The following WDPCP variants were observed in gnomAD, a reference collection of about 807,000 sequenced individuals.
The protein encoded by WDPCP is WD repeat containing planar cell polarity effector.
WDPCP carries 71 observed loss-of-function variants against 93.1 expected under a neutral mutation model. That is an observed-to-expected ratio of 0.76 (90% CI 0.63 to 0.93). WDPCP has a LOEUF of 0.93. Among genes scored for constraint, WDPCP ranks in the 40% least tolerant of loss-of-function variants. The probability of loss-of-function intolerance (pLI) is 0.00; values close to 1 mark genes in which losing one functional copy is unlikely to be tolerated. For missense variants in WDPCP, 844 were observed against 887.4 expected, an observed-to-expected ratio of 0.95 and a Z score of 0.62; for synonymous variants, 315 against 315.0, an observed-to-expected ratio of 1.00 and a Z score of 0.00.
At position 63,152,953 on chromosome 2, in the gene WDPCP, A is replaced by G; in HGVS notation, c.2159-8T>C. 1.2e-6 allele frequency: 2 copies of G among 1,612,086 alleles called. No homozygotes were observed. The highest frequency in any genetic ancestry group is 1.7e-6 in the Non-Finnish European group (2 of 1,178,638). ...CTTCTCTCAGTTCTCCGTCTAAAGT[A>G]AAAGATTAAAACATTAATTATCTTA... is the stretch of plus-strand genomic sequence containing the variant. On this transcript the variant is annotated splice_region_variant and splice_polypyrimidine_tract_variant and intron_variant, in intron 16 of 17. Transcript: ENST00000272321.
intron 3 of WDPCP, chr2:63,604,639 C>G: frequency 7.2e-7 from 1 of 1,390,942 alleles, no homozygotes; most frequent in Non-Finnish European, 9.9e-7. Flanking sequence ...AAAACAGGTC[C>G]CAATTGGAAA....
intron 6 of WDPCP, among the ~76,000 whole-genome samples, chr2:63,464,858 GA>G (rs1339112812): frequency 6.6e-6 from 1 of 151,982 alleles, no homozygotes; most frequent in Non-Finnish European, 1.5e-5. Context: ...ACAGAAAGTA[GA>G]ATGCTGGTTA....
At chr2:63,722,686 G>C (rs1347742747) in intron 2 of WDPCP, among the ~76,000 whole-genome samples, 1 of 143,778 alleles carries the variant, frequency 7.0e-6, no homozygotes, top group African/African-American at 2.6e-5. Flanking sequence ...CGCCCGGCCA[G>C]CCGCCCCGTC....
intron 1 of WDPCP, among the ~76,000 whole-genome samples, chr2:63,568,004 T>C (rs1045121747): frequency 6.6e-6 from 1 of 152,222 alleles, no homozygotes; most frequent in African/African-American, 2.4e-5. Flanking sequence ...CCATAAAAAA[T>C]AATGACAGCT....
chr2:63,473,501 T>C (rs960393593), intron 6 of WDPCP, among the ~76,000 whole-genome samples: 5 of 152,192 alleles, frequency 3.3e-5, no homozygotes, highest in African/African-American at 4.8e-5. Context: ...CCTAATGCAC[T>C]TGGTCATCCC....
intron 14 of WDPCP, among the ~76,000 whole-genome samples, chr2:63,241,043 C>G (rs1679819668): frequency 6.6e-6 from 1 of 152,088 alleles, no homozygotes; most frequent in Admixed American, 6.6e-5. Flanking sequence ...TTCAATAACA[C>G]CAATTCTTAA....
intron 17 of WDPCP, among the ~76,000 whole-genome samples, chr2:63,127,047 T>C (rs1412654657): frequency 6.6e-6 from 1 of 152,084 alleles, no homozygotes; most frequent in Non-Finnish European, 1.5e-5. Context: ...TAAAATACTT[T>C]AGTGAAATGC....
At chr2:63,236,234 G>A (rs1477342478) in intron 14 of WDPCP, among the ~76,000 whole-genome samples, 1 of 152,060 alleles carries the variant, frequency 6.6e-6, no homozygotes, top group African/African-American at 2.4e-5. Flanking sequence ...ACTTACAGTA[G>A]CCACACACAA....
At chr2:63,456,371 T>G (rs1362253665) in intron 6 of WDPCP, among the ~76,000 whole-genome samples, 1 of 151,920 alleles carries the variant, frequency 6.6e-6, no homozygotes, top group Non-Finnish European at 1.5e-5. Context: ...GAGCCAAGAT[T>G]GCGCCACTGC....
At chr2:63,762,260 A>C (rs1215800769) in intron 2 of WDPCP, among the ~76,000 whole-genome samples, 1 of 152,222 alleles carries the variant, frequency 6.6e-6, no homozygotes, top group Admixed American at 6.5e-5. Context: ...GAGGCTGCAG[A>C]GGAGGATGGA....
chr2:63,475,040 C>CT (rs148278488), intron 6 of WDPCP, among the ~76,000 whole-genome samples: 4 of 151,326 alleles, frequency 2.6e-5, no homozygotes, highest in East Asian at 1.9e-4. Flanking sequence ...CCAGTAAATA[C>CT]TTTTTTTTTA....
intron 2 of WDPCP, among the ~76,000 whole-genome samples, chr2:63,778,311 G>A (rs528168506): frequency 2.0e-4 from 30 of 152,062 alleles, no homozygotes; most frequent in Middle Eastern, 6.8e-3. Flanking sequence ...AACTTCAAGC[G>A]ATTCTCCTTC....
chr2:63,436,151 A>C (rs1349324975), intron 8 of WDPCP, among the ~76,000 whole-genome samples: 2 of 152,136 alleles, frequency 1.3e-5, no homozygotes, highest in Non-Finnish European at 2.9e-5. Context: ...AGACCGATCA[A>C]TTTTAGTAAA....
exon 3 of WDPCP, chr2:63,650,829 T>C (rs1419750491): frequency 6.6e-6 from 1 of 152,164 alleles, no homozygotes; most frequent in Non-Finnish European, 1.5e-5. Context: ...TGCATTGGGG[T>C]TGGCAAAGTC....
chr2:63,303,563 GC>G (rs1685490315), intron 13 of WDPCP, among the ~76,000 whole-genome samples: 1 of 152,160 alleles, frequency 6.6e-6, no homozygotes, highest in Non-Finnish European at 1.5e-5. Flanking sequence ...TCAGAAGTTA[GC>G]ATGATATCAT....
intron 1 of WDPCP, among the ~76,000 whole-genome samples, chr2:63,553,767 T>C (rs1705862965): frequency 6.6e-6 from 1 of 152,210 alleles, no homozygotes; most frequent in Admixed American, 6.5e-5. Context: ...AATGGAAGTG[T>C]TGCAAAAATG....
the WDPCP span, among the ~76,000 whole-genome samples, chr2:63,837,827 G>A: frequency 6.6e-6 from 1 of 152,180 alleles, no homozygotes; most frequent in South Asian, 2.1e-4. Flanking sequence ...GAGTAGGGGC[G>A]GGCCTGTGGC....
At chr2:63,405,883 C>T (rs1351193004) in intron 9 of WDPCP, among the ~76,000 whole-genome samples, 3 of 151,928 alleles carry the variant, frequency 2.0e-5, no homozygotes, top group African/African-American at 4.8e-5. Context: ...CTGTACATCC[C>T]CCAGAAAAGG....
chr2:63,120,193 T>A lies in WDPCP; in HGVS notation c.*1813A>T, dbSNP rs1392422195. Among the ~76,000 whole-genome samples, 1 of 152,170 alleles carries A rather than the reference T, an allele frequency of 6.6e-6. No homozygotes were observed. Among genetic ancestry groups the A allele is most frequent in the African/African-American group, 2.4e-5 (1 of 41,446 alleles). ...AAAACCCTATTTTTTTAAATACAATTTTTTCTCTAAAAATTAGTTAACTTT... is the reference window on the plus strand; with the variant it reads ...AAAACCCTATTTTTTTAAATACAATATTTTCTCTAAAAATTAGTTAACTTT... On this transcript the variant is annotated 3_prime_UTR_variant, in exon 18 of 18. Transcript: ENST00000272321.
Sources: allele counts gnomAD v4.1 joint callset (sites outside exome capture counted in the v4.1 genomes callset), GRCh38; gene constraint gnomAD v4.1.1; transcripts MANE v1.5; gene names NCBI Gene and HGNC (gene_info 2026-07-23, HGNC 2026-07-21).